Variants in TDG observed in about 807,000 individuals in gnomAD.
TDG encodes the protein thymine DNA glycosylase, also known as G/T mismatch-specific thymine DNA glycosylase.
Under a neutral mutation model 46.1 loss-of-function variants are expected in TDG, and 23 were observed. The ratio of observed to expected loss-of-function variants is 0.50; its 90% CI spans 0.36 to 0.71. TDG has a LOEUF of 0.71. Ranked by LOEUF, TDG falls within the 30% of genes least tolerant of loss-of-function variation. The probability of loss-of-function intolerance (pLI) is 0.00; values close to 1 mark genes in which losing one functional copy is unlikely to be tolerated. For missense variants in TDG, 304 were observed against 486.7 expected (o/e 0.62, Z 3.53); for synonymous variants, 115 against 161.3 (o/e 0.71, Z 2.18).
Position 103,979,962 on chromosome 12 carries a change from G to T in TDG, c.298G>T (p.Asp100Tyr). 6.2e-7 allele frequency: 1 copy of T among 1,612,608 alleles called. No individual in the cohort carries two copies. Among genetic ancestry groups the T allele is most frequent in the Non-Finnish European group, 8.5e-7 (1 of 1,179,924 alleles). Residue 100 changes from aspartate (D) to tyrosine (Y), a missense_variant, in exon 3 of 10, where the codon GAC (aspartate) becomes TAC (tyrosine). Physicochemically the swap from Asp to Tyr is radical, Grantham distance 160. Coordinates refer to ENST00000392872, the MANE Select transcript of TDG (RefSeq NM_003211.6). ...AAAAGAAAAACAAGAAAAAATTACA[G>T]ACACATTTAAAGTAAAAAGAAAAGT... ...KSKEKQEKIT[D>Y]TFKVKRKVDR...
chr12:103,971,113 C>T (rs988902009), intron 1 of TDG, among the ~76,000 whole-genome samples: 2 of 152,226 alleles, frequency 1.3e-5, no homozygotes, highest in African/African-American at 2.4e-5. Flanking sequence ...TTATATCAAG[C>T]GACTTGAGCA....
intron 2 of TDG, 63 bp downstream of exon 2, chr12:103,977,123 G>T: frequency 6.4e-7 from 1 of 1,557,104 alleles, no homozygotes; most frequent in African/African-American, 1.4e-5. Context: ...TTGAGAAAGG[G>T]TTTCATGGTG....
intron 9 of TDG, chr12:103,986,334 G>C (rs1425600387): frequency 1.3e-5 from 2 of 152,164 alleles, no homozygotes; most frequent in African/African-American, 2.4e-5. Context: ...TTGTATTCCG[G>C]AAGCTTGCTT....
chr12:103,977,142 C>T (rs1238471173), intron 2 of TDG, 82 bp downstream of exon 2: 2 of 1,537,102 alleles, frequency 1.3e-6, no homozygotes, highest in Non-Finnish European at 1.7e-6. Context: ...TGAATTTTAG[C>T]TCTATTTTAG....
intron 8 of TDG, 108 bp downstream of exon 8, chr12:103,985,028 T>G (rs186008155): frequency 5.7e-6 from 5 of 873,332 alleles, no homozygotes; most frequent in East Asian, 7.4e-5. Context: ...CATATACATA[T>G]GTGTGCACAT....
intron 8 of TDG, among the ~76,000 whole-genome samples, chr12:103,985,166 T>TACATACACACACACACAC (rs1555275231): frequency 2.2e-4 from 30 of 138,560 alleles, no homozygotes; most frequent in East Asian, 1.5e-3. Flanking sequence ...TATAGACACA[T>TACATACACACACACACAC]ACACACACAC....
At chr12:103,979,256 C>G (rs932548050) in intron 2 of TDG, among the ~76,000 whole-genome samples, 1 of 151,920 alleles carries the variant, frequency 6.6e-6, no homozygotes, top group Non-Finnish European at 1.5e-5. Context: ...GTGCACGACA[C>G]CATGCCTGGC....
intron 1 of TDG, among the ~76,000 whole-genome samples, chr12:103,974,495 A>G (rs1400128940): frequency 2.0e-5 from 3 of 151,718 alleles, no homozygotes; most frequent in African/African-American, 7.3e-5. Context: ...TGCCCCGGCC[A>G]CTCTTGAATT....
At chr12:103,970,663 CTT>C (rs1871247886) in intron 1 of TDG, among the ~76,000 whole-genome samples, 1 of 151,594 alleles carries the variant, frequency 6.6e-6, no homozygotes, top group South Asian at 2.1e-4. Flanking sequence ...AGGAGGATCA[CTT>C]GAGCCCAGGA....
chr12:103,976,552 G>A (rs1362172290), intron 1 of TDG, among the ~76,000 whole-genome samples: 1 of 152,172 alleles, frequency 6.6e-6, no homozygotes, highest in East Asian at 1.9e-4. Context: ...GGCACAAATT[G>A]TATTTGGGGA....
chr12:103,973,569 G>T (rs151117917), intron 1 of TDG, among the ~76,000 whole-genome samples: 182 of 152,230 alleles, frequency 1.2e-3, no homozygotes, highest in African/African-American at 4.2e-3. Flanking sequence ...ATCTAACCTA[G>T]CCATATCCAA....
chr12:103,967,548 C>T (rs1241231039), intron 1 of TDG, among the ~76,000 whole-genome samples: 3 of 151,512 alleles, frequency 2.0e-5, no homozygotes, highest in African/African-American at 7.3e-5. Flanking sequence ...CCTCCATCAC[C>T]CGGGTTCAAG....
intron 4 of TDG, 74 bp from the exon 5 acceptor site, chr12:103,982,725 A>G: frequency 6.6e-7 from 1 of 1,523,694 alleles, no homozygotes; most frequent in South Asian, 1.2e-5. Flanking sequence ...TGATCGTGCC[A>G]CTACACTCTA....
chr12:103,972,158 G>A (rs892592780), intron 1 of TDG, among the ~76,000 whole-genome samples: 6 of 151,408 alleles, frequency 4.0e-5, no homozygotes, highest in African/African-American at 9.7e-5. Flanking sequence ...TTGCTCTGTC[G>A]CCCAGGCTGG....
At chr12:103,982,773 T>A (rs1729575017) in intron 4 of TDG, 26 bp from the exon 5 acceptor site, 2 of 1,610,048 alleles carry the variant, frequency 1.2e-6, no homozygotes, top group African/African-American at 2.7e-5. Context: ...TAAAAAAAAA[T>A]AAATAACTGA....
intron 5 of TDG, 85 bp from the exon 6 acceptor site, chr12:103,983,051 C>T (rs936109972): frequency 2.6e-6 from 4 of 1,554,856 alleles, no homozygotes; most frequent in Non-Finnish European, 3.5e-6. Context: ...GTACAATATG[C>T]TCTTTCATTG....
Position 103,988,605 on chromosome 12 carries a change from A to G in TDG, c.*1515A>G, listed in dbSNP as rs1325238362. On this transcript the variant is annotated 3_prime_UTR_variant, in exon 10 of 10. Coordinates refer to ENST00000392872, the MANE Select transcript of TDG (RefSeq NM_003211.6). ...GTAACTAGGTATTGCTTTGGTATATAACTATTGTAGCTTTACAAGAGATTG... is the reference window on the plus strand; with the variant it reads ...GTAACTAGGTATTGCTTTGGTATATGACTATTGTAGCTTTACAAGAGATTG... 6.5e-6 allele frequency: 1 copy of G among 152,736 alleles called. No individual in the cohort carries two copies. Among genetic ancestry groups the G allele is most frequent in the Non-Finnish European group, 1.5e-5 (1 of 68,048 alleles). The allele number at this position is 152,736 out of a possible 1,614,324, so 9.5% of individuals were successfully genotyped here.
chr12:103,975,362 G>A (rs1404243256), intron 1 of TDG, among the ~76,000 whole-genome samples: 1 of 152,164 alleles, frequency 6.6e-6, no homozygotes, highest in Non-Finnish European at 1.5e-5. Context: ...TTTAGTGACT[G>A]AATCTATTTT....
At chr12:103,970,509 A>G (rs1053173616) in intron 1 of TDG, among the ~76,000 whole-genome samples, 2 of 151,904 alleles carry the variant, frequency 1.3e-5, no homozygotes, top group Non-Finnish European at 2.9e-5. Flanking sequence ...AATCCCTAAA[A>G]TAGTGTAAAA....
Sources: allele counts gnomAD v4.1 joint callset (sites outside exome capture counted in the v4.1 genomes callset), GRCh38; gene constraint gnomAD v4.1.1; transcripts MANE v1.5; gene names NCBI Gene and HGNC (gene_info 2026-07-23, HGNC 2026-07-21).